BIRC6: variants seen among roughly 807,000 people sequenced by gnomAD.
BIRC6 encodes dual E2 ubiquitin-conjugating enzyme/E3 ubiquitin-protein ligase BIRC6.
In BIRC6, 98 loss-of-function variants were observed where a neutral mutation model predicts 503.3. The observed-to-expected ratio is 0.19, with a 90% CI of 0.17 to 0.23. The LOEUF is 0.23. BIRC6 is among the 10% of genes least tolerant of loss of function. The pLI is 1.00. For synonymous variants in BIRC6, 2,240 were observed against 2,078.7 expected (o/e 1.08, Z -2.11); for missense variants, 5,360 against 5,806.0 (o/e 0.92, Z 2.50).
intron 9 of BIRC6, among the ~76,000 whole-genome samples, chr2:32,412,870 G>A (rs2042038309): frequency 6.6e-6 from 1 of 152,132 alleles, no homozygotes; most frequent in Admixed American, 6.5e-5. Flanking sequence ...GTTTAGAATT[G>A]AAGTGCAGAA....
At chr2:32,611,270 T>C (rs1343113919) in intron 72 of BIRC6, among the ~76,000 whole-genome samples, 178 bp from the exon 73 acceptor site, 1 of 151,792 alleles carries the variant, frequency 6.6e-6, no homozygotes, top group Non-Finnish European at 1.5e-5. Context: ...GCAGTGTCTG[T>C]ATATTTATTT....
At chr2:32,551,143 T>C (rs975522819) in intron 65 of BIRC6, among the ~76,000 whole-genome samples, 1 of 151,774 alleles carries the variant, frequency 6.6e-6, no homozygotes, top group Non-Finnish European at 1.5e-5. Context: ...CTAAATGATA[T>C]TAAATATGGA....
intron 65 of BIRC6, among the ~76,000 whole-genome samples, chr2:32,551,950 G>A (rs1404396418): frequency 6.6e-6 from 1 of 152,172 alleles, no homozygotes; most frequent in Non-Finnish European, 1.5e-5. Context: ...TTCAAGGGAT[G>A]ATTTGCTTAT....
chr2:32,436,539 A>G (rs900290015), intron 15 of BIRC6, among the ~76,000 whole-genome samples: 4 of 152,034 alleles, frequency 2.6e-5, no homozygotes, highest in Non-Finnish European at 4.4e-5. Flanking sequence ...GAGTTTTATT[A>G]TATATTATTA....
At chr2:32,593,030 G>A (rs1229854556) in intron 66 of BIRC6, among the ~76,000 whole-genome samples, 1 of 152,150 alleles carries the variant, frequency 6.6e-6, no homozygotes, top group Non-Finnish European at 1.5e-5. Context: ...AAAAATAAGT[G>A]ATGTATAGTT....
intron 10 of BIRC6, among the ~76,000 whole-genome samples, chr2:32,419,927 AT>A (rs1489646678): frequency 6.6e-6 from 1 of 152,128 alleles, no homozygotes; most frequent in Non-Finnish European, 1.5e-5. Flanking sequence ...TGAACGTCAT[AT>A]TTTGTCAAAT....
intron 29 of BIRC6, among the ~76,000 whole-genome samples, chr2:32,469,179 C>T (rs1037589242): frequency 6.6e-6 from 1 of 152,156 alleles, no homozygotes; most frequent in East Asian, 1.9e-4. Flanking sequence ...CATCCAGCTC[C>T]ATAGGCAAGA....
intron 1 of BIRC6, among the ~76,000 whole-genome samples, chr2:32,369,186 A>T (rs2035417051): frequency 6.6e-6 from 1 of 152,138 alleles, no homozygotes; most frequent in African/African-American, 2.4e-5. Context: ...AGATTTTCAT[A>T]TTTGGATGGA....
intron 16 of BIRC6, 118 bp from the exon 17 acceptor site, chr2:32,441,211 T>A (rs2045398009): frequency 1.3e-6 from 1 of 763,242 alleles, no homozygotes; most frequent in South Asian, 2.3e-5. Context: ...CATTTTAACT[T>A]GAGATTTATA....
At chr2:32,513,471 A>G (rs2054648702) in intron 54 of BIRC6, among the ~76,000 whole-genome samples, 2 of 152,194 alleles carry the variant, frequency 1.3e-5, no homozygotes. Flanking sequence ...CTCTGGCAGG[A>G]TAGTACAGCT....
intron 65 of BIRC6, among the ~76,000 whole-genome samples, chr2:32,572,345 T>G (rs2059969888): frequency 6.6e-6 from 1 of 152,248 alleles, no homozygotes; most frequent in South Asian, 2.1e-4. Flanking sequence ...ATTATTGTAT[T>G]ACTGTGAATG....
At chr2:32,365,292 C>T (rs1232540864) in intron 1 of BIRC6, among the ~76,000 whole-genome samples, 1 of 151,304 alleles carries the variant, frequency 6.6e-6, no homozygotes, top group Non-Finnish European at 1.5e-5. Context: ...ATACAGAATA[C>T]TGCTTGACTC....
At chr2:32,373,896 C>T (rs1435474844) in intron 1 of BIRC6, among the ~76,000 whole-genome samples, 1 of 152,168 alleles carries the variant, frequency 6.6e-6, no homozygotes, top group Non-Finnish European at 1.5e-5. Context: ...GACATAGGCT[C>T]TAATGTGGAG....
chr2:32,461,343 AGTGTGTGTGTGTGTGTGTGTGTGTGT>A (rs373274536), intron 23 of BIRC6, among the ~76,000 whole-genome samples: 1 of 132,092 alleles, frequency 7.6e-6, no homozygotes, highest in African/African-American at 2.9e-5. Context: ...ATGCCTGGCT[AGTGTGTGTGTGTGTGTGTGTGTGTGT>A]GTGTGTGTGT....
rs148607215 is a variant in BIRC6 at position 32,469,584 on chromosome 2, C to T, written c.6317C>T (p.Ser2106Leu). The change falls in exon 30 of 74, where the codon TCG becomes TTG. Residue 2106 changes from serine (S) to leucine (L), a missense_variant. By Grantham distance (145) the Ser-to-Leu change is moderately radical. Around this residue, in one of 16 missense-constraint regions of BIRC6, gnomAD observed 2,299 missense variants for 2,267.2 expected, o/e 1.01. Coordinates refer to ENST00000421745, the MANE Select transcript of BIRC6 (RefSeq NM_016252.4). Reference sequence around the variant, plus strand: ...AATGTCCTTCAGGAATTGTACAATTCGGAACAGCTTCTCATCTTTCCACAG... The same window carrying T: ...AATGTCCTTCAGGAATTGTACAATTTGGAACAGCTTCTCATCTTTCCACAG... Reference protein sequence around the residue: ...LSNVLQELYNSEQLLIFPQDR... With the variant: ...LSNVLQELYNLEQLLIFPQDR... 55 of 1,613,518 alleles carry T rather than the reference C, an allele frequency of 3.4e-5. No individual in the cohort carries two copies. Among genetic ancestry groups the T allele is most frequent in the Non-Finnish European group, 4.6e-5 (54 of 1,179,638 alleles).
At position 32,416,156 on chromosome 2, in the gene BIRC6, C is replaced by T; in HGVS notation, c.2865C>T (p.Cys955=). Residue 955 remains cysteine, a synonymous_variant, in exon 10 of 74, where the codon TGC becomes TGT. Coordinates refer to ENST00000421745, the MANE Select transcript of BIRC6 (RefSeq NM_016252.4). Reference sequence around the variant, plus strand: ...CTGGCACAGACAGGCTGTGTGCATGCACCAAAGGTAAGTTGTCTGATTATG... The same window carrying T: ...CTGGCACAGACAGGCTGTGTGCATGTACCAAAGGTAAGTTGTCTGATTATG... ...YCSGTDRLCA[C]TKGGELHFLQ... The T allele has an allele frequency of 6.3e-7, 1 of 1,588,150 alleles. No homozygotes were observed. The highest frequency in any genetic ancestry group is 8.6e-7 in the Non-Finnish European group (1 of 1,167,598).
At position 32,529,559 on chromosome 2, in the gene BIRC6, C is replaced by T. The variant is rs2056563388; in HGVS notation, c.11921-92C>T. The T allele has an allele frequency of 3.4e-6, 4 of 1,192,176 alleles. No individual in the cohort carries two copies. The South Asian group carries it at 8.5e-5, about 25-fold the overall frequency. The allele number at this position is 1,192,176 out of a possible 1,614,324, so 73.8% of individuals were successfully genotyped here. ...TTGAAATTGGTTTCAGAATCAAACT[C>T]TTGCCTGTAATTTAGTAAAAGCAGA... On this transcript the variant is annotated intron_variant, in intron 59 of 73. Coordinates refer to ENST00000421745, the MANE Select transcript of BIRC6 (RefSeq NM_016252.4).
At chr2:32,590,235 A>C (rs193225290) in intron 66 of BIRC6, among the ~76,000 whole-genome samples, 2 of 152,210 alleles carry the variant, frequency 1.3e-5, no homozygotes, top group Non-Finnish European at 2.9e-5. Context: ...ACTGAGGAGC[A>C]CAGTGTGATC....
At chr2:32,588,028 T>G (rs1559112909) in intron 66 of BIRC6, among the ~76,000 whole-genome samples, 1 of 152,198 alleles carries the variant, frequency 6.6e-6, no homozygotes, top group Non-Finnish European at 1.5e-5. Flanking sequence ...GTAGGTCAGC[T>G]TTAGCTGTCG....
Sources: gnomAD v4.1 joint callset for allele counts (sites outside exome capture counted in the v4.1 genomes callset) on GRCh38, gnomAD v4.1.1 for gene constraint, gnomAD v4.1.1 regional missense constraint, MANE v1.5 for transcripts, NCBI Gene and HGNC (gene_info 2026-07-23, HGNC 2026-07-21) for gene names.